PTCSC3: variants seen among roughly 807,000 people sequenced by gnomAD.
PTCSC3 encodes the protein papillary thyroid carcinoma susceptibility candidate 3, also known as papillary thyroid carcinoma susceptibility candidate 3 (non-protein coding).
At chr14:36,168,591 G>A (rs1882139188) in intron 1 of PTCSC3, among the ~76,000 whole-genome samples, 1 of 151,652 alleles carries the variant, frequency 6.6e-6, no homozygotes. Flanking sequence ...AAAAAGAAAG[G>A]AAACAGAGAA....
At chr14:36,157,849 G>A (rs190883985) in intron 2 of PTCSC3, among the ~76,000 whole-genome samples, 3 of 152,166 alleles carry the variant, frequency 2.0e-5, no homozygotes. Context: ...ACTTTGGGCT[G>A]TATGGCCATT....
At chr14:36,168,446 T>C (rs1882137070) in intron 1 of PTCSC3, among the ~76,000 whole-genome samples, 1 of 149,784 alleles carries the variant, frequency 6.7e-6, no homozygotes, top group African/African-American at 2.5e-5. Context: ...ACTCTAATTA[T>C]ATGCTGGAGT....
chr14:36,158,601 G>GCCA (rs2139103824), intron 2 of PTCSC3, among the ~76,000 whole-genome samples: 1 of 152,306 alleles, frequency 6.6e-6, no homozygotes, highest in South Asian at 2.1e-4. Flanking sequence ...CAGGGATGAA[G>GCCA]CCAGCTTGAT....
intron 3 of PTCSC3, among the ~76,000 whole-genome samples, chr14:36,145,530 G>A (rs1373182708): frequency 1.4e-5 from 2 of 146,050 alleles, no homozygotes; most frequent in African/African-American, 2.6e-5. Flanking sequence ...TTTTTATTGT[G>A]TCTATTTGAT....
At chr14:36,153,358 C>A (rs1335008722) in intron 3 of PTCSC3, among the ~76,000 whole-genome samples, 1 of 152,162 alleles carries the variant, frequency 6.6e-6, no homozygotes, top group Non-Finnish European at 1.5e-5. Context: ...AGCCATTGAG[C>A]CTATGAAAAC....
intron 2 of PTCSC3, among the ~76,000 whole-genome samples, chr14:36,156,428 CATCTT>C (rs567216951): frequency 9.8e-4 from 149 of 151,572 alleles, no homozygotes; most frequent in African/African-American, 3.4e-3. Flanking sequence ...ACTTGTCACT[CATCTT>C]CATTCATTCC....
At chr14:36,153,328 G>A (rs948775930) in intron 3 of PTCSC3, among the ~76,000 whole-genome samples, 4 of 152,186 alleles carry the variant, frequency 2.6e-5, no homozygotes, top group Admixed American at 1.3e-4. Flanking sequence ...CAAATATTTA[G>A]TGTACAACAA....
chr14:36,147,563 C>T (rs191947537), intron 3 of PTCSC3, among the ~76,000 whole-genome samples: 1 of 152,028 alleles, frequency 6.6e-6, no homozygotes, highest in Non-Finnish European at 1.5e-5. Context: ...ATACATTCTT[C>T]TAAATTTTTT....
At chr14:36,161,477 C>A (rs1432111369) in intron 2 of PTCSC3, among the ~76,000 whole-genome samples, 2 of 152,092 alleles carry the variant, frequency 1.3e-5, no homozygotes, top group African/African-American at 2.4e-5. Flanking sequence ...TCTGACAGAC[C>A]ACTCTGCTGC....
At chr14:36,167,605 C>T (rs1882114496) in intron 1 of PTCSC3, among the ~76,000 whole-genome samples, 1 of 152,108 alleles carries the variant, frequency 6.6e-6, no homozygotes, top group Non-Finnish European at 1.5e-5. Context: ...CCTCAAAGAC[C>T]TCAGTCCCCT....
chr14:36,175,321 G>A (rs1466675958), intron 1 of PTCSC3, among the ~76,000 whole-genome samples: 2 of 152,122 alleles, frequency 1.3e-5, no homozygotes, highest in African/African-American at 4.8e-5. Flanking sequence ...GTTATCCACT[G>A]CCTGAAATCG....
intron 2 of PTCSC3, among the ~76,000 whole-genome samples, chr14:36,155,509 C>T (rs988095628): frequency 5.9e-5 from 9 of 151,872 alleles, no homozygotes; most frequent in African/African-American, 1.5e-4. Context: ...TATACACTCA[C>T]GGTCCTTAAA....
Position 36,162,258 on chromosome 14 carries a change from GAAAAA to G in PTCSC3, n.231+361_231+365del, listed in dbSNP as rs58223160. Among the ~76,000 whole-genome samples the G allele has an allele frequency of 5.0e-3, 528 of 106,550 alleles. 12 individuals are homozygous for G. The highest frequency in any genetic ancestry group is 0.024 in the Middle Eastern group (5 of 206). The allele number at this position is 106,550 out of a possible 152,430, so 69.9% of individuals were successfully genotyped here. A position where few individuals can be genotyped will look rare whatever the true frequency, so the allele number is the denominator to read the frequency against. On this transcript the variant is annotated intron_variant and non_coding_transcript_variant, in intron 2 of 3. Transcript: ENST00000556013. ...GCGTTCCAGGAGCTGCTGGGGTATG[GAAAAA>G]AAAAAAAAAAAAAAAAAAAAAACTC...
chr14:36,141,384 C>G (rs1369472072), intron 3 of PTCSC3, among the ~76,000 whole-genome samples: 1 of 151,704 alleles, frequency 6.6e-6, no homozygotes, highest in Non-Finnish European at 1.5e-5. Flanking sequence ...ATATCTTTCC[C>G]TTTATTTAGA....
intron 3 of PTCSC3, among the ~76,000 whole-genome samples, chr14:36,145,566 T>A (rs889543667): frequency 7.2e-6 from 1 of 138,136 alleles, no homozygotes. Context: ...TCTTTATTAG[T>A]CTTGCTAGCG....
chr14:36,141,452 TAG>T, intron 3 of PTCSC3, among the ~76,000 whole-genome samples: 1 of 152,170 alleles, frequency 6.6e-6, no homozygotes, highest in Admixed American at 6.5e-5. Flanking sequence ...GTCAGATATA[TAG>T]ATATATATAT....
chr14:36,145,296 C>G (rs1376364920), intron 3 of PTCSC3, among the ~76,000 whole-genome samples: 1 of 151,020 alleles, frequency 6.6e-6, no homozygotes. Flanking sequence ...GTCCTGGACT[C>G]TTTTTGGTTG....
chr14:36,167,304 T>A (rs1383940290), intron 1 of PTCSC3, among the ~76,000 whole-genome samples: 2 of 152,126 alleles, frequency 1.3e-5, no homozygotes, highest in African/African-American at 4.8e-5. Flanking sequence ...TCTGTTAGGT[T>A]TTTTTTCCCT....
At chr14:36,172,010 T>TTCTAATCAAACC in intron 1 of PTCSC3, among the ~76,000 whole-genome samples, 1 of 152,278 alleles carries the variant, frequency 6.6e-6, no homozygotes, top group South Asian at 2.1e-4. Flanking sequence ...AAGCTGAAAC[T>TTCTAATCAAACC]TCTAATCAAA....
Sources: gnomAD v4.1 joint callset for allele counts (sites outside exome capture counted in the v4.1 genomes callset) on GRCh38, gnomAD v4.1.1 for gene constraint, MANE v1.5 for transcripts, NCBI Gene and HGNC (gene_info 2026-07-23, HGNC 2026-07-21) for gene names.